FHL2: variants seen among roughly 807,000 people sequenced by gnomAD.
FHL2 encodes four and a half LIM domains protein 2.
In FHL2, 20 loss-of-function variants were observed where a neutral mutation model predicts 32.7. The observed-to-expected ratio is 0.61, with a 90% confidence interval of 0.43 to 0.89. The LOEUF is 0.89. Among genes scored for constraint, FHL2 ranks in the 40% least tolerant of loss-of-function variants. The pLI is 0.00. For synonymous variants in FHL2, 123 were observed against 128.1 expected, an observed-to-expected ratio of 0.96 and a Z score of 0.27; for missense variants, 311 against 358.6, an observed-to-expected ratio of 0.87 and a Z score of 1.07.
At chr2:105,428,659 G>C (rs554962405) in intron 1 of FHL2, among the ~76,000 whole-genome samples, 1 of 152,206 alleles carries the variant, frequency 6.6e-6, no homozygotes, top group African/African-American at 2.4e-5. Flanking sequence ...TGCTAGGCTG[G>C]TTCCTGGAGC....
intron 3 of FHL2, chr2:105,375,176 T>C (rs776120771): frequency 3.9e-5 from 6 of 152,128 alleles, no homozygotes; most frequent in Admixed American, 6.5e-5. Flanking sequence ...CGTGTGCACA[T>C]GTGTGCATGT....
At chr2:105,386,660 A>G in intron 2 of FHL2, 120 bp from the exon 3 acceptor site, 1 of 758,020 alleles carries the variant, frequency 1.3e-6, no homozygotes, top group Non-Finnish European at 2.1e-6. Context: ...ATTCCTCTGG[A>G]TGAATAATTA....
At position 105,361,389 on chromosome 2, in the gene FHL2, T is replaced by C; in HGVS notation, c.734A>G (p.His245Arg). Residue 245 changes from histidine to arginine, a missense_variant, in exon 7 of 7, where the codon CAT becomes CGT. Physicochemically the swap from His to Arg is conservative, Grantham distance 29. Transcript: ENST00000530340. ...KYISFEERQWHNDCFNCKKCS... is the reference protein window; with the variant it reads ...KYISFEERQWRNDCFNCKKCS... ...CTTCTTACAGTTAAAGCAGTCGTTA[T>C]GCCACTGCCGTTCCTCAAAGGAGAT... 1.2e-6 allele frequency: 2 copies of C among 1,614,156 alleles called. No homozygotes were observed. Among genetic ancestry groups the C allele is most frequent in the South Asian group, 1.1e-5 (1 of 91,084 alleles).
intron 1 of FHL2, among the ~76,000 whole-genome samples, chr2:105,424,184 A>C (rs1684188638): frequency 1.3e-5 from 2 of 152,230 alleles, no homozygotes; most frequent in African/African-American, 2.4e-5. Context: ...TTTACAAGAA[A>C]AAACAAACAA....
intron 1 of FHL2, 72 bp downstream of exon 1, chr2:105,398,770 G>A: frequency 3.2e-6 from 4 of 1,255,346 alleles, no homozygotes; most frequent in Non-Finnish European, 4.2e-6. Flanking sequence ...CTTTCTCCCG[G>A]CTTCTCCCCG....
intron 4 of FHL2, among the ~76,000 whole-genome samples, chr2:105,372,765 CA>C (rs1177486640): frequency 6.6e-6 from 1 of 152,030 alleles, no homozygotes; most frequent in African/African-American, 2.4e-5. Context: ...CCACATTGGC[CA>C]GGCCGATTTC....
At chr2:105,367,180 C>T (rs2104504628) in intron 5 of FHL2, among the ~76,000 whole-genome samples, 1 of 152,324 alleles carries the variant, frequency 6.6e-6, no homozygotes, top group African/African-American at 2.4e-5. Flanking sequence ...TCCTCTCCTC[C>T]CTCTTCCTTC....
intron 1 of FHL2, among the ~76,000 whole-genome samples, chr2:105,398,449 C>T (rs1449528515): frequency 1.3e-5 from 2 of 152,222 alleles, no homozygotes; most frequent in East Asian, 3.9e-4. Context: ...ACCACCGTGC[C>T]AGGACAGCCC....
intron 1 of FHL2, among the ~76,000 whole-genome samples, chr2:105,409,828 A>T (rs1292143234): frequency 1.3e-5 from 2 of 152,198 alleles, no homozygotes; most frequent in African/African-American, 2.4e-5. Flanking sequence ...CTTTTCCATG[A>T]AGTAGGTAAC....
chr2:105,361,170 G>T lies in FHL2; in HGVS notation c.*113C>A, dbSNP rs778092790. ...ACGTGAGTATCACTGAAAAGCACTA[G>T]AAGAAAGTCTCAATGTGGCTGGAAG... On this transcript the variant is annotated 3_prime_UTR_variant, in exon 7 of 7. Coordinates refer to ENST00000530340, the MANE Select transcript of FHL2 (RefSeq NM_001318895.3). 1.1e-4 allele frequency: 114 copies of T among 1,082,190 alleles called. No individual in the cohort carries two copies. Among genetic ancestry groups the T allele is most frequent in the Non-Finnish European group, 1.5e-4 (107 of 736,924 alleles). The allele number at this position is 1,082,190 out of a possible 1,614,324, so 67.0% of individuals were successfully genotyped here.
At chr2:105,375,136 T>G (rs1681374562) in intron 3 of FHL2, 1 of 31,488 alleles carries the variant, frequency 3.2e-5, no homozygotes, top group Non-Finnish European at 6.3e-5. Flanking sequence ...CTGAAGTATG[T>G]GTGTGTGTGT....
At chr2:105,420,592 G>A (rs1327812679) in intron 1 of FHL2, among the ~76,000 whole-genome samples, 2 of 152,148 alleles carry the variant, frequency 1.3e-5, no homozygotes, top group African/African-American at 4.8e-5. Flanking sequence ...CAGATGTGGG[G>A]CAGAGAGAGG....
At chr2:105,422,824 G>T (rs757272116) in intron 1 of FHL2, among the ~76,000 whole-genome samples, 29 of 152,086 alleles carry the variant, frequency 1.9e-4, no homozygotes, top group Non-Finnish European at 2.2e-4. Flanking sequence ...AGGTTGCATT[G>T]TACAAGATAC....
At chr2:105,368,047 T>A (rs547193453) in intron 4 of FHL2, among the ~76,000 whole-genome samples, 1 of 152,344 alleles carries the variant, frequency 6.6e-6, no homozygotes, top group African/African-American at 2.4e-5. Flanking sequence ...CTCTCAGCAA[T>A]GCAAAGTATA....
At chr2:105,406,481 T>G (rs867251660) in intron 1 of FHL2, among the ~76,000 whole-genome samples, 3 of 151,956 alleles carry the variant, frequency 2.0e-5, no homozygotes, top group African/African-American at 4.8e-5. Context: ...GCCTTCCTTT[T>G]GATAACTTGA....
chr2:105,368,075 G>C (rs1470570268), intron 4 of FHL2, among the ~76,000 whole-genome samples: 3 of 152,220 alleles, frequency 2.0e-5, no homozygotes, highest in African/African-American at 7.2e-5. Context: ...GTGTGGCATA[G>C]CTCCGATGAA....
At chr2:105,416,641 T>G (rs1029205861) in intron 1 of FHL2, among the ~76,000 whole-genome samples, 3 of 152,248 alleles carry the variant, frequency 2.0e-5, no homozygotes, top group African/African-American at 7.2e-5. Flanking sequence ...ACACATTGTT[T>G]TGTTAGATTT....
chr2:105,433,981 C>T (rs2104687019), intron 1 of FHL2, among the ~76,000 whole-genome samples: 1 of 152,248 alleles, frequency 6.6e-6, no homozygotes. Flanking sequence ...CCCCTCAACA[C>T]ATTTAGCATA....
intron 1 of FHL2, among the ~76,000 whole-genome samples, chr2:105,420,476 C>G (rs954903658): frequency 6.6e-6 from 1 of 152,120 alleles, no homozygotes; most frequent in East Asian, 1.9e-4. Flanking sequence ...TTAGGAGTTA[C>G]GGCTTCAGCA....
Sources: allele counts gnomAD v4.1 joint callset (sites outside exome capture counted in the v4.1 genomes callset), GRCh38; gene constraint gnomAD v4.1.1; transcripts MANE v1.5; gene names NCBI Gene and HGNC (gene_info 2026-07-23, HGNC 2026-07-21).